Variants in ST6GALNAC3 observed in about 807,000 individuals in gnomAD.
The protein encoded by ST6GALNAC3 is ST6 N-acetylgalactosaminide alpha-2,6-sialyltransferase 3.
ST6GALNAC3 carries 25 observed loss-of-function variants against 32.7 expected under a neutral mutation model. That is an observed-to-expected ratio of 0.76 (90% CI 0.56 to 1.07). ST6GALNAC3 has a LOEUF of 1.07. Among genes scored for constraint, ST6GALNAC3 ranks in the 50% least tolerant of loss-of-function variants. The pLI, the probability that ST6GALNAC3 is intolerant of heterozygous loss-of-function variation, is 0.00. For missense variants in ST6GALNAC3, 355 were observed against 382.4 expected, an observed-to-expected ratio of 0.93 and a Z score of 0.60; for synonymous variants, 129 against 133.1, an observed-to-expected ratio of 0.97 and a Z score of 0.21.
intron 3 of ST6GALNAC3, among the ~76,000 whole-genome samples, chr1:76,512,226 A>G (rs954030513): frequency 2.0e-5 from 3 of 152,164 alleles, no homozygotes; most frequent in Non-Finnish European, 4.4e-5. Context: ...ATAGAATAAA[A>G]CTATGTGAAA....
Position 76,525,684 on chromosome 1 carries a change from C to A in ST6GALNAC3, c.624-101768C>A, listed in dbSNP as rs535795198. Reference sequence around the variant, plus strand: ...CATTCTGGTCTTCTCCTTTGACATTCCACCTGAATATTACATTTTTCATTA... The same window carrying A: ...CATTCTGGTCTTCTCCTTTGACATTACACCTGAATATTACATTTTTCATTA... On this transcript the variant is annotated intron_variant, in intron 3 of 4. Coordinates refer to ENST00000328299, the MANE Select transcript of ST6GALNAC3 (RefSeq NM_152996.4). Among the ~76,000 whole-genome samples, 6 of 150,632 alleles carry A rather than the reference C, an allele frequency of 4.0e-5. No individual in the cohort carries two copies. The East Asian group carries it at 1.2e-3, about 30-fold the overall frequency.
intron 3 of ST6GALNAC3, among the ~76,000 whole-genome samples, chr1:76,441,522 G>A (rs2101508353): frequency 6.6e-6 from 1 of 151,966 alleles, no homozygotes; most frequent in South Asian, 2.1e-4. Context: ...ATATTTATGG[G>A]GTACATGAGA....
chr1:76,343,131 A>G (rs1290178637), intron 2 of ST6GALNAC3, among the ~76,000 whole-genome samples: 1 of 152,086 alleles, frequency 6.6e-6, no homozygotes, highest in Admixed American at 6.6e-5. Flanking sequence ...GGGGATCTTC[A>G]TCATAACTTA....
chr1:76,502,127 A>G (rs1024588386), intron 3 of ST6GALNAC3, among the ~76,000 whole-genome samples: 8 of 152,164 alleles, frequency 5.3e-5, no homozygotes, highest in Admixed American at 3.3e-4. Flanking sequence ...TTTATATCTC[A>G]TGGGCCATAG....
intron 3 of ST6GALNAC3, among the ~76,000 whole-genome samples, chr1:76,582,829 CTCCT>C (rs1646910238): frequency 6.6e-6 from 1 of 152,120 alleles, no homozygotes; most frequent in African/African-American, 2.4e-5. Flanking sequence ...GATGTTCACA[CTCCT>C]AGTTGCTTTG....
intron 3 of ST6GALNAC3, among the ~76,000 whole-genome samples, chr1:76,613,018 T>C (rs1648036765): frequency 2.0e-5 from 3 of 152,112 alleles, no homozygotes; most frequent in Admixed American, 2.0e-4. Context: ...AGTGGGTGCA[T>C]GGGGGCAACC....
intron 3 of ST6GALNAC3, among the ~76,000 whole-genome samples, chr1:76,611,645 T>C (rs1424343313): frequency 6.6e-6 from 1 of 152,194 alleles, no homozygotes; most frequent in African/African-American, 2.4e-5. Context: ...TGCAGGCATA[T>C]GTTTAACATG....
chr1:76,412,532 A>G (rs1465059998), intron 3 of ST6GALNAC3, 115 bp downstream of exon 3: 6 of 1,133,102 alleles, frequency 5.3e-6, no homozygotes, highest in Non-Finnish European at 7.3e-6. Context: ...TGATTGTTAT[A>G]TGTTTTGACT....
intron 3 of ST6GALNAC3, among the ~76,000 whole-genome samples, chr1:76,587,353 A>T (rs1570374061): frequency 6.6e-6 from 1 of 152,198 alleles, no homozygotes; most frequent in Non-Finnish European, 1.5e-5. Context: ...GCTGGTCCCC[A>T]TGGAGACATT....
chr1:76,162,247 G>C (rs1190190870), intron 1 of ST6GALNAC3, among the ~76,000 whole-genome samples: 1 of 152,210 alleles, frequency 6.6e-6, no homozygotes, highest in Non-Finnish European at 1.5e-5. Context: ...CCATGTAAAA[G>C]ATGCTCAGCC....
chr1:76,289,564 C>T (rs118050885), intron 1 of ST6GALNAC3, among the ~76,000 whole-genome samples: 1 of 152,102 alleles, frequency 6.6e-6, no homozygotes, highest in Non-Finnish European at 1.5e-5. Flanking sequence ...AAAACATTTG[C>T]TTAGTGAGGC....
intron 3 of ST6GALNAC3, among the ~76,000 whole-genome samples, chr1:76,594,651 A>C (rs1230091257): frequency 1.3e-5 from 2 of 152,216 alleles, no homozygotes; most frequent in Non-Finnish European, 2.9e-5. Flanking sequence ...AGATGTAGAT[A>C]GATAAATACA....
At chr1:76,370,815 C>T (rs1650757108) in intron 2 of ST6GALNAC3, among the ~76,000 whole-genome samples, 1 of 152,000 alleles carries the variant, frequency 6.6e-6, no homozygotes, top group Non-Finnish European at 1.5e-5. Context: ...CATTCACCTA[C>T]CCATCTACCC....
intron 1 of ST6GALNAC3, among the ~76,000 whole-genome samples, chr1:76,296,674 C>T (rs931209264): frequency 2.6e-5 from 4 of 152,068 alleles, no homozygotes; most frequent in South Asian, 2.1e-4. Context: ...TTGAGTGCCA[C>T]CTGTATATCA....
chr1:76,561,631 G>A (rs1232472633), intron 3 of ST6GALNAC3, among the ~76,000 whole-genome samples: 1 of 152,144 alleles, frequency 6.6e-6, no homozygotes, highest in African/African-American at 2.4e-5. Flanking sequence ...AAAATGATTG[G>A]CAAAGATGGA....
chr1:76,371,199 G>T (rs998883327), intron 2 of ST6GALNAC3, among the ~76,000 whole-genome samples: 1 of 152,118 alleles, frequency 6.6e-6, no homozygotes, highest in African/African-American at 2.4e-5. Flanking sequence ...GTGCCAAAAA[G>T]GATCTAAGAT....
chr1:76,214,463 A>G (rs566827848), intron 1 of ST6GALNAC3, among the ~76,000 whole-genome samples: 1 of 152,306 alleles, frequency 6.6e-6, no homozygotes, highest in South Asian at 2.1e-4. Context: ...TTGTTACAGT[A>G]TAAATTCTGG....
At chr1:76,230,500 G>C (rs1656311333) in intron 1 of ST6GALNAC3, among the ~76,000 whole-genome samples, 1 of 152,138 alleles carries the variant, frequency 6.6e-6, no homozygotes, top group Non-Finnish European at 1.5e-5. Flanking sequence ...CAATATACTA[G>C]AGTCCAAGTA....
At chr1:76,153,226 A>T in intron 1 of ST6GALNAC3, among the ~76,000 whole-genome samples, 1 of 151,876 alleles carries the variant, frequency 6.6e-6, no homozygotes, top group East Asian at 1.9e-4. Flanking sequence ...GCCATTGTGA[A>T]TTTTTTTTCC....
Sources: allele counts gnomAD v4.1 joint callset (sites outside exome capture counted in the v4.1 genomes callset), GRCh38; gene constraint gnomAD v4.1.1; transcripts MANE v1.5; gene names NCBI Gene and HGNC (gene_info 2026-07-23, HGNC 2026-07-21).